The following USP7 variants were observed in gnomAD, a reference collection of about 807,000 sequenced individuals.
USP7 encodes the protein ubiquitin specific peptidase 7.
USP7 carries 9 observed loss-of-function variants against 162.9 expected under a neutral mutation model. The ratio of observed to expected loss-of-function variants is 0.06; its 90% CI spans 0.03 to 0.10. USP7 has a LOEUF of 0.10. USP7 is among the 10% of genes least tolerant of loss of function. The pLI is 1.00. For missense variants in USP7, 715 were observed against 1,373.7 expected (o/e 0.52, Z 7.58); for synonymous variants, 562 against 475.9 (o/e 1.18, Z -2.35).
intron 1 of USP7, among the ~76,000 whole-genome samples, chr16:8,939,261 C>T (rs1454237988): frequency 6.6e-6 from 1 of 152,240 alleles, no homozygotes; most frequent in Non-Finnish European, 1.5e-5. Context: ...CCACCCACCC[C>T]GGCGTGCGTG....
In USP7 at chr16:8,893,839, A is replaced by G; in HGVS notation, c.*159T>C. 1 of 643,958 alleles carries G rather than the reference A, an allele frequency of 1.6e-6. No individual in the cohort carries two copies. Among genetic ancestry groups the G allele is most frequent in the East Asian group, 2.7e-5 (1 of 36,744 alleles). The allele number at this position is 643,958 out of a possible 1,614,324, so 39.9% of individuals were successfully genotyped here. A position where few individuals can be genotyped will look rare whatever the true frequency, so the allele number is the denominator to read the frequency against. ...TGCTCAAAAAGGGCAGTCAATAGATACAGAGAAGCCAAACTGAACAGCCTC... is the reference window on the plus strand; with the variant it reads ...TGCTCAAAAAGGGCAGTCAATAGATGCAGAGAAGCCAAACTGAACAGCCTC... On this transcript the variant is annotated 3_prime_UTR_variant, in exon 31 of 31. Transcript: ENST00000344836.
rs1187930212 is a variant in USP7 at position 8,893,114 on chromosome 16, T to C, written c.*884A>G. ...TTCATTCATTAAATATACAATTCAT[T>C]TTTCCTTTTTTTTTCATTTTTAACT... On this transcript the variant is annotated 3_prime_UTR_variant, in exon 31 of 31. Transcript: ENST00000344836. The C allele has an allele frequency of 6.6e-6, 1 of 152,190 alleles. No individual in the cohort carries two copies. The highest frequency in any genetic ancestry group is 1.9e-4 in the East Asian group (1 of 5,206). The allele number at this position is 152,190 out of a possible 1,614,324, so 9.4% of individuals were successfully genotyped here.
chr16:8,907,238 A>G (rs1051718961), intron 12 of USP7, among the ~76,000 whole-genome samples: 1 of 152,240 alleles, frequency 6.6e-6, no homozygotes, highest in Non-Finnish European at 1.5e-5. Context: ...AATGTCTGCC[A>G]CTGGCTCCAA....
At chr16:8,937,565 T>A (rs1364828412) in intron 1 of USP7, among the ~76,000 whole-genome samples, 1 of 151,998 alleles carries the variant, frequency 6.6e-6, no homozygotes, top group East Asian at 1.9e-4. Context: ...TTGGGTGTGG[T>A]GGTGCACACC....
chr16:8,914,322 T>C (rs1002840782), intron 10 of USP7, among the ~76,000 whole-genome samples: 2 of 151,954 alleles, frequency 1.3e-5, no homozygotes, highest in African/African-American at 2.4e-5. Flanking sequence ...GCCACCTTCC[T>C]GATGACTGTG....
chr16:8,951,907 G>C (rs950192753), intron 1 of USP7, among the ~76,000 whole-genome samples: 1 of 152,206 alleles, frequency 6.6e-6, no homozygotes, highest in African/African-American at 2.4e-5. Flanking sequence ...CACCTGCAGT[G>C]TATCAGTGGC....
Position 8,895,633 on chromosome 16 carries a change from G to T in USP7, c.2919+9C>A, listed in dbSNP as rs761601357. 1.9e-6 allele frequency: 3 copies of T among 1,607,110 alleles called. No homozygotes were observed. The highest frequency in any genetic ancestry group is 4.5e-5 in the East Asian group (2 of 44,872). On this transcript the variant is annotated intron_variant, in intron 27 of 30. Transcript: ENST00000344836. ...TCTCTCTGGTGCCAACAGTATCGGG[G>T]ACAGATACCTCTATTCGAAACGTCC... is the stretch of plus-strand genomic sequence containing the variant.
At chr16:8,928,728 C>T (rs999021458) in intron 2 of USP7, among the ~76,000 whole-genome samples, 4 of 152,198 alleles carry the variant, frequency 2.6e-5, no homozygotes, top group Admixed American at 2.0e-4. Flanking sequence ...TCGGATTATA[C>T]GCTTTTTCCA....
At chr16:8,938,568 T>A (rs1290832183) in intron 1 of USP7, among the ~76,000 whole-genome samples, 1 of 151,714 alleles carries the variant, frequency 6.6e-6, no homozygotes, top group East Asian at 1.9e-4. Flanking sequence ...AAAACTTAGC[T>A]GGGCACGGTG....
At chr16:8,927,007 G>C (rs928214235) in intron 2 of USP7, among the ~76,000 whole-genome samples, 9 of 152,154 alleles carry the variant, frequency 5.9e-5, no homozygotes, top group African/African-American at 2.2e-4. Flanking sequence ...AGACCAGCCT[G>C]GGCTTCAGTT....
intron 4 of USP7, among the ~76,000 whole-genome samples, chr16:8,920,736 G>C (rs1213201372): frequency 1.3e-5 from 2 of 152,156 alleles, no homozygotes; most frequent in African/African-American, 4.8e-5. Flanking sequence ...GGAGGGGCTG[G>C]AGAATGCAAT....
chr16:8,897,726 A>AATATATATATATATATATAT, intron 25 of USP7, among the ~76,000 whole-genome samples: 4 of 7,130 alleles, frequency 5.6e-4, no homozygotes, highest in Non-Finnish European at 7.0e-4. Context: ...AAAAAAAAAA[A>AATATATATATATATATATAT]ATATATATAT....
intron 1 of USP7, among the ~76,000 whole-genome samples, chr16:8,933,735 C>T (rs540606108): frequency 3.3e-5 from 5 of 152,086 alleles, no homozygotes; most frequent in African/African-American, 1.2e-4. Flanking sequence ...CAGGCATGTG[C>T]CACCCTGCCT....
At chr16:8,946,774 G>A (rs886921025) in intron 1 of USP7, among the ~76,000 whole-genome samples, 1 of 152,198 alleles carries the variant, frequency 6.6e-6, no homozygotes, top group Admixed American at 6.5e-5. Flanking sequence ...CTGCCAGCAC[G>A]CAGAAGGCTC....
rs1195811919 is a variant in USP7 at position 8,893,763 on chromosome 16, CCATAA to C, written c.*230_*234del. On this transcript the variant is annotated 3_prime_UTR_variant, in exon 31 of 31. Coordinates refer to ENST00000344836, the MANE Select transcript of USP7 (RefSeq NM_003470.3). ...TGACAGTTGCCTTGCACTGTGGTTACCATAAAATAACTCTCATTGGCATCCAAGCT... is the reference window on the plus strand; with the variant it reads ...TGACAGTTGCCTTGCACTGTGGTTACAATAACTCTCATTGGCATCCAAGCT... 55 of 477,948 alleles carry C rather than the reference CCATAA, an allele frequency of 1.2e-4. No individual in the cohort carries two copies. Among genetic ancestry groups the C allele is most frequent in the Non-Finnish European group, 1.9e-4 (49 of 260,572 alleles). The allele number at this position is 477,948 out of a possible 1,614,324, so 29.6% of individuals were successfully genotyped here. A position where few individuals can be genotyped will look rare whatever the true frequency, so the allele number is the denominator to read the frequency against.
At chr16:8,931,863 G>T (rs373719410) in intron 1 of USP7, among the ~76,000 whole-genome samples, 1 of 152,028 alleles carries the variant, frequency 6.6e-6, no homozygotes, top group African/African-American at 2.4e-5. Flanking sequence ...ACTAATGCTG[G>T]CCCCACGGTT....
chr16:8,936,638 C>T lies in USP7; in HGVS notation c.80-6241G>A, dbSNP rs143793947. The stretch of plus-strand genomic sequence containing the variant: ...TCTCTGCATGGCTCTGCAGTGGCCT[C>T]TGCTGGGGGATGGGGGAGGTTCTCT... On this transcript the variant is annotated intron_variant, in intron 1 of 30. Coordinates refer to ENST00000344836, the MANE Select transcript of USP7 (RefSeq NM_003470.3). 8.3e-5 allele frequency: 129 copies of T among 1,557,156 alleles called. No homozygotes were observed. In the East Asian group the frequency reaches 3.0e-3, roughly 36 times the overall value.
chr16:8,917,312 G>C (rs1897425111), intron 6 of USP7, among the ~76,000 whole-genome samples, 156 bp from the exon 7 acceptor site: 1 of 152,212 alleles, frequency 6.6e-6, no homozygotes. Context: ...AAATTGGTGA[G>C]AAAGTTTACA....
intron 1 of USP7, among the ~76,000 whole-genome samples, chr16:8,953,487 T>C (rs535326715): frequency 2.0e-4 from 30 of 151,784 alleles, no homozygotes; most frequent in Admixed American, 1.1e-3. Flanking sequence ...GAAACGGGGG[T>C]TGGGGAGAAG....
Sources: allele counts gnomAD v4.1 joint callset (sites outside exome capture counted in the v4.1 genomes callset), GRCh38; gene constraint gnomAD v4.1.1; transcripts MANE v1.5; gene names NCBI Gene and HGNC (gene_info 2026-07-23, HGNC 2026-07-21).